GPC3: variants seen among roughly 807,000 people sequenced by gnomAD.
GPC3 encodes the protein glypican-3.
Under a neutral mutation model 34.4 loss-of-function variants are expected in GPC3, and 3 were observed. That is an observed-to-expected ratio of 0.09 (90% CI 0.04 to 0.23). The LOEUF (loss-of-function observed/expected upper bound fraction) is 0.23. Among genes scored for constraint, GPC3 ranks in the 10% least tolerant of loss-of-function variants. The pLI is 1.00. For missense variants in GPC3, 351 were observed against 445.6 expected (o/e 0.79, Z 1.91); for synonymous variants, 177 against 174.0 (o/e 1.02, Z -0.13).
chrX:133,738,459 A>G (rs1185981250), intron 3 of GPC3, among the ~76,000 whole-genome samples: 2 of 112,235 alleles, frequency 1.8e-5, no homozygotes, highest in Non-Finnish European at 3.8e-5. Context: ...AAGTAAATTT[A>G]AGGACCCAAT....
chrX:133,686,768 AACACACACACAC>A (rs762283767), intron 5 of GPC3, among the ~76,000 whole-genome samples: 7 of 98,026 alleles, frequency 7.1e-5, no homozygotes, highest in African/African-American at 1.9e-4. Flanking sequence ...ATTTTACCTC[AACACACACACAC>A]ACACACACAC....
At chrX:133,642,967 T>C (rs905014599) in intron 6 of GPC3, among the ~76,000 whole-genome samples, 1 of 111,293 alleles carries the variant, frequency 9.0e-6, no homozygotes, top group Non-Finnish European at 1.9e-5. Flanking sequence ...GCATATCAAA[T>C]ACTAAGGAAT....
chrX:133,680,398 C>A (rs1296752607), intron 5 of GPC3, among the ~76,000 whole-genome samples: 1 of 111,717 alleles, frequency 9.0e-6, no homozygotes, highest in Non-Finnish European at 1.9e-5. Context: ...AATGGGCCAA[C>A]AAGTGGCTCA....
intron 7 of GPC3, among the ~76,000 whole-genome samples, chrX:133,565,731 T>C (rs975375597): frequency 3.7e-4 from 42 of 112,200 alleles, no homozygotes; most frequent in African/African-American, 1.3e-3. Context: ...CCAAAGGACT[T>C]TTGTAACTGT....
chrX:133,683,716 A>C (rs1196929721), intron 5 of GPC3, among the ~76,000 whole-genome samples: 1 of 112,269 alleles, frequency 8.9e-6, no homozygotes, highest in Admixed American at 9.4e-5. Context: ...AATGGAGCAC[A>C]CTGTATTAAG....
intron 6 of GPC3, among the ~76,000 whole-genome samples, chrX:133,653,855 T>C (rs1020012418): frequency 1.8e-5 from 2 of 112,103 alleles, no homozygotes; most frequent in Non-Finnish European, 3.8e-5. Flanking sequence ...TTTGCAAGCA[T>C]GTTTGCATCA....
At chrX:133,646,008 G>A (rs1292406156) in intron 6 of GPC3, among the ~76,000 whole-genome samples, 1 of 107,650 alleles carries the variant, frequency 9.3e-6, no homozygotes, top group African/African-American at 3.4e-5. Context: ...AATTGTTTCT[G>A]GATCAACAAA....
chrX:133,645,927 A>G (rs1042472948), intron 6 of GPC3, among the ~76,000 whole-genome samples: 3 of 111,013 alleles, frequency 2.7e-5, no homozygotes, highest in African/African-American at 9.8e-5. Flanking sequence ...AGTGGGAGTC[A>G]GGGAAATATG....
At chrX:133,765,679 C>T (rs1464065995) in intron 2 of GPC3, among the ~76,000 whole-genome samples, 1 of 111,581 alleles carries the variant, frequency 9.0e-6, no homozygotes, top group African/African-American at 3.3e-5. Flanking sequence ...GGTCAATTGC[C>T]AGTAGTGTAT....
chrX:133,681,495 A>T (rs2070943559), intron 5 of GPC3, among the ~76,000 whole-genome samples: 1 of 112,364 alleles, frequency 8.9e-6, no homozygotes, highest in South Asian at 3.7e-4. Context: ...GAAAGAGCAA[A>T]AAAATAGGAG....
At chrX:133,861,402 T>C (rs12010646) in intron 2 of GPC3, among the ~76,000 whole-genome samples, 4,869 of 110,651 alleles carry the variant, frequency 0.044, 253 homozygotes, top group African/African-American at 0.15. Flanking sequence ...AGTTTCAACT[T>C]TGGGTATGGT....
chrX:133,637,408 C>T (rs1217010059), intron 6 of GPC3, among the ~76,000 whole-genome samples: 1 of 108,413 alleles, frequency 9.2e-6, no homozygotes. Context: ...CAGAGTGAGA[C>T]TCCATCTCAA....
At chrX:133,912,353 T>G (rs1245909469) in intron 2 of GPC3, among the ~76,000 whole-genome samples, 1 of 112,106 alleles carries the variant, frequency 8.9e-6, no homozygotes. Flanking sequence ...CTGAGAATTA[T>G]GCTTAACCCT....
intron 6 of GPC3, among the ~76,000 whole-genome samples, chrX:133,649,268 A>ATG (rs201681195): frequency 0.04 from 4,139 of 104,053 alleles, 174 homozygotes; most frequent in African/African-American, 0.12. Flanking sequence ...ATATATATAT[A>ATG]TGTGTGTGTG....
chrX:133,671,837 G>A (rs1194379915), intron 5 of GPC3, among the ~76,000 whole-genome samples: 4 of 111,417 alleles, frequency 3.6e-5, no homozygotes, highest in African/African-American at 9.8e-5. Context: ...CCCGGTGTGT[G>A]ATGTTCCCTG....
rs182412569 is a variant in GPC3 at position 133,877,721 on chromosome X, C to T, written c.337+75329G>A. ...AACAAATTACTCTATATTCATGTAACGAAGGCTATACAGCCATAAAAAAAT... is the reference window on the plus strand; with the variant it reads ...AACAAATTACTCTATATTCATGTAATGAAGGCTATACAGCCATAAAAAAAT... On this transcript the variant is annotated intron_variant, in intron 2 of 7. Transcript: ENST00000370818. Among the ~76,000 whole-genome samples the T allele has an allele frequency of 2.9e-4, 32 of 111,855 alleles. No individual in the cohort carries two copies. In the East Asian group the frequency reaches 8.4e-3, roughly 29 times the overall value.
chrX:133,644,429 A>G (rs1420305203), intron 6 of GPC3, among the ~76,000 whole-genome samples: 2 of 112,214 alleles, frequency 1.8e-5, no homozygotes, highest in Non-Finnish European at 3.8e-5. Flanking sequence ...ATGGTAGCTA[A>G]CTATAATTAA....
At chrX:133,779,937 C>G (rs972513804) in intron 2 of GPC3, among the ~76,000 whole-genome samples, 1 of 111,491 alleles carries the variant, frequency 9.0e-6, no homozygotes, top group African/African-American at 3.3e-5. Flanking sequence ...AAGTCCCCAC[C>G]AAGGTGGAGT....
At chrX:133,972,658 C>T (rs1260456418) in intron 1 of GPC3, among the ~76,000 whole-genome samples, 1 of 112,253 alleles carries the variant, frequency 8.9e-6, no homozygotes, top group African/African-American at 3.2e-5. Flanking sequence ...GCATGCACGC[C>T]AAGGCCATAA....
Sources: gnomAD v4.1 joint callset for allele counts (sites outside exome capture counted in the v4.1 genomes callset) on GRCh38, gnomAD v4.1.1 for gene constraint, MANE v1.5 for transcripts, NCBI Gene and HGNC (gene_info 2026-07-23, HGNC 2026-07-21) for gene names.